Variants in UBE2E2 observed in about 807,000 individuals in gnomAD.
UBE2E2 encodes the protein ubiquitin conjugating enzyme E2 E2, also known as ubiquitin-conjugating enzyme E2 E2.
Under a neutral mutation model 24.7 loss-of-function variants are expected in UBE2E2, and 6 were observed. That is an observed-to-expected ratio of 0.24 (90% CI 0.13 to 0.48). UBE2E2 has a LOEUF of 0.48. Among genes scored for constraint, UBE2E2 ranks in the 20% least tolerant of loss-of-function variants. The pLI is 0.99. For missense variants in UBE2E2, 169 were observed against 245.0 expected (o/e 0.69, Z 2.07); for synonymous variants, 104 against 83.6 (o/e 1.24, Z -1.33).
chr3:23,479,804 G>C (rs1699217817), intron 3 of UBE2E2, among the ~76,000 whole-genome samples: 1 of 152,238 alleles, frequency 6.6e-6, no homozygotes, highest in African/African-American at 2.4e-5. Context: ...CTTTCTGCAA[G>C]CAGGTCATCT....
At chr3:23,342,689 T>G (rs776654137) in intron 3 of UBE2E2, among the ~76,000 whole-genome samples, 6 of 152,224 alleles carry the variant, frequency 3.9e-5, no homozygotes, top group Non-Finnish European at 7.3e-5. Flanking sequence ...ACACCAAGAA[T>G]ACATACATGT....
At chr3:23,387,632 C>A (rs534320593) in intron 3 of UBE2E2, among the ~76,000 whole-genome samples, 3 of 152,134 alleles carry the variant, frequency 2.0e-5, no homozygotes, top group Non-Finnish European at 4.4e-5. Flanking sequence ...TCTTTCTTTA[C>A]CATCTTTAAT....
At chr3:23,228,535 A>G (rs772865676) in intron 3 of UBE2E2, among the ~76,000 whole-genome samples, 22 of 152,134 alleles carry the variant, frequency 1.4e-4, no homozygotes, top group Non-Finnish European at 2.4e-4. Flanking sequence ...CTTTACGGTG[A>G]TTATTATGCT....
intron 3 of UBE2E2, among the ~76,000 whole-genome samples, chr3:23,398,166 A>G: frequency 6.6e-6 from 1 of 151,974 alleles, no homozygotes; most frequent in Non-Finnish European, 1.5e-5. Context: ...TACAAAATTT[A>G]GCCAGGTTTG....
chr3:23,353,509 C>T (rs1695829878), intron 3 of UBE2E2, among the ~76,000 whole-genome samples: 1 of 152,200 alleles, frequency 6.6e-6, no homozygotes, highest in South Asian at 2.1e-4. Flanking sequence ...CCCAAAATCT[C>T]CTTAAGCTGA....
At chr3:23,341,654 CTG>C (rs1451768155) in intron 3 of UBE2E2, among the ~76,000 whole-genome samples, 1 of 152,142 alleles carries the variant, frequency 6.6e-6, no homozygotes, top group Non-Finnish European at 1.5e-5. Flanking sequence ...TCTGCATAAA[CTG>C]TATTCTAAAG....
intron 3 of UBE2E2, among the ~76,000 whole-genome samples, chr3:23,481,873 T>TA (rs1318173110): frequency 6.6e-6 from 1 of 152,214 alleles, no homozygotes; most frequent in Non-Finnish European, 1.5e-5. Context: ...AGATCTTCTG[T>TA]AAAATCTGTG....
intron 3 of UBE2E2, among the ~76,000 whole-genome samples, chr3:23,496,287 A>G (rs1404877932): frequency 6.6e-5 from 10 of 152,280 alleles, no homozygotes; most frequent in Admixed American, 3.9e-4. Context: ...TAACGTATCT[A>G]ACACATGGTA....
chr3:23,335,744 G>A (rs1695188608), intron 3 of UBE2E2, among the ~76,000 whole-genome samples: 1 of 152,102 alleles, frequency 6.6e-6, no homozygotes, highest in African/African-American at 2.4e-5. Flanking sequence ...GTGTTGTTCA[G>A]GCTGGTCTTG....
At chr3:23,324,619 A>T (rs1174731299) in intron 3 of UBE2E2, among the ~76,000 whole-genome samples, 4 of 152,128 alleles carry the variant, frequency 2.6e-5, no homozygotes, top group Non-Finnish European at 5.9e-5. Context: ...GGTGTGAAGA[A>T]CTATAAAAAA....
At chr3:23,441,727 G>T (rs1698310295) in intron 3 of UBE2E2, among the ~76,000 whole-genome samples, 1 of 152,134 alleles carries the variant, frequency 6.6e-6, no homozygotes. Flanking sequence ...AGCGTATTCA[G>T]TATTGCTTTA....
intron 3 of UBE2E2, among the ~76,000 whole-genome samples, chr3:23,263,649 A>G (rs935622387): frequency 6.6e-6 from 1 of 152,206 alleles, no homozygotes; most frequent in Admixed American, 6.5e-5. Flanking sequence ...GGGTGGTTTG[A>G]ACATAGCCCT....
chr3:23,223,856 T>G lies in UBE2E2; in HGVS notation c.227+6544T>G, dbSNP rs77198741. 3.8e-3 allele frequency among the ~76,000 whole-genome samples: 583 copies of G among 152,308 alleles called. 3 individuals are homozygous for G. The highest frequency in any genetic ancestry group is 0.013 in the African/African-American group (528 of 41,566). On this transcript the variant is annotated intron_variant, in intron 3 of 5. Transcript: ENST00000396703. ...AGAGATAGGGGTTTAGTTTCATTCT[T>G]CATATATAGTTATCCAGTTTTCCCA...
intron 3 of UBE2E2, among the ~76,000 whole-genome samples, chr3:23,345,985 T>C (rs1375999527): frequency 6.6e-6 from 1 of 152,200 alleles, no homozygotes; most frequent in Non-Finnish European, 1.5e-5. Flanking sequence ...TTTCAACTGT[T>C]GCTGATCTAA....
intron 4 of UBE2E2, among the ~76,000 whole-genome samples, chr3:23,531,992 G>C (rs1376218244): frequency 6.6e-6 from 1 of 151,314 alleles, no homozygotes; most frequent in Non-Finnish European, 1.5e-5. Flanking sequence ...AACCCGGGAG[G>C]TGGAGGTTGC....
At chr3:23,430,682 C>A (rs572989653) in intron 3 of UBE2E2, among the ~76,000 whole-genome samples, 1 of 151,948 alleles carries the variant, frequency 6.6e-6, no homozygotes, top group African/African-American at 2.4e-5. Flanking sequence ...CTGCCCCTGG[C>A]TTATTTACTT....
intron 3 of UBE2E2, among the ~76,000 whole-genome samples, chr3:23,410,140 A>G (rs1697464254): frequency 6.6e-6 from 1 of 152,222 alleles, no homozygotes; most frequent in African/African-American, 2.4e-5. Flanking sequence ...TTTTCAGTGT[A>G]GATTTGGAGT....
chr3:23,298,540 G>T (rs1575542582), intron 3 of UBE2E2, among the ~76,000 whole-genome samples: 1 of 152,160 alleles, frequency 6.6e-6, no homozygotes, highest in Admixed American at 6.5e-5. Context: ...CATCTATTGA[G>T]ATAATCATGT....
chr3:23,432,910 A>C (rs1698095921), intron 3 of UBE2E2, among the ~76,000 whole-genome samples: 1 of 151,856 alleles, frequency 6.6e-6, no homozygotes, highest in South Asian at 2.1e-4. Flanking sequence ...GTGTGGTTCT[A>C]TAAGAATAGA....
Sources: allele counts gnomAD v4.1 joint callset (sites outside exome capture counted in the v4.1 genomes callset), GRCh38; gene constraint gnomAD v4.1.1; transcripts MANE v1.5; gene names NCBI Gene and HGNC (gene_info 2026-07-23, HGNC 2026-07-21).